The following GRK7 variants were observed in gnomAD, a reference collection of about 807,000 sequenced individuals.
The protein encoded by GRK7 is rhodopsin kinase GRK7.
GRK7 carries 24 observed loss-of-function variants against 34.1 expected under a neutral mutation model. That is an observed-to-expected ratio of 0.70 (90% CI 0.51 to 0.99). The LOEUF is 0.99. Among genes scored for constraint, GRK7 ranks in the 50% least tolerant of loss-of-function variants. GRK7 has a pLI of 0.00. For missense variants in GRK7, 644 were observed against 707.3 expected (o/e 0.91, Z 1.02); for synonymous variants, 256 against 279.4 (o/e 0.92, Z 0.84).
At chr3:141,766,739 GC>G (rs2084583382) in intron 1 of GRK7, among the ~76,000 whole-genome samples, 1 of 151,890 alleles carries the variant, frequency 6.6e-6, no homozygotes, top group Non-Finnish European at 1.5e-5. Context: ...AATTTCTTTT[GC>G]TTTTTGTTTG....
intron 3 of GRK7, among the ~76,000 whole-genome samples, chr3:141,779,989 T>C (rs565680353): frequency 3.3e-5 from 5 of 152,256 alleles, no homozygotes; most frequent in Non-Finnish European, 7.3e-5. Context: ...CACAAGTATT[T>C]GTTTGAATCC....
At chr3:141,801,960 G>C (rs910097208) in intron 4 of GRK7, among the ~76,000 whole-genome samples, 49 of 151,978 alleles carry the variant, frequency 3.2e-4, no homozygotes, top group Non-Finnish European at 1.3e-4. Flanking sequence ...CCCTCAAAAA[G>C]AAATAAGAGA....
At chr3:141,776,700 C>A (rs776268254) in intron 2 of GRK7, among the ~76,000 whole-genome samples, 3 of 152,206 alleles carry the variant, frequency 2.0e-5, no homozygotes, top group Non-Finnish European at 4.4e-5. Flanking sequence ...CAGTCGGAGG[C>A]TCTGACAGGC....
At chr3:141,799,896 T>G (rs1710933433) in intron 4 of GRK7, among the ~76,000 whole-genome samples, 1 of 152,218 alleles carries the variant, frequency 6.6e-6, no homozygotes, top group African/African-American at 2.4e-5. Context: ...ACCCTACACC[T>G]TCTACCGAGC....
chr3:141,762,603 C>T (rs563687090), upstream of GRK7, among the ~76,000 whole-genome samples: 179 of 151,852 alleles, frequency 1.2e-3, 3 homozygotes, highest in South Asian at 0.024. Context: ...CTGGAGCCTA[C>T]GGAGGCAGGC....
At chr3:141,776,624 G>A (rs1021940210) in intron 2 of GRK7, among the ~76,000 whole-genome samples, 2 of 152,172 alleles carry the variant, frequency 1.3e-5, no homozygotes, top group Non-Finnish European at 2.9e-5. Flanking sequence ...AAGCCAAAGG[G>A]CACCCACGAG....
At chr3:141,788,395 C>A (rs908778116) in intron 4 of GRK7, among the ~76,000 whole-genome samples, 5 of 152,102 alleles carry the variant, frequency 3.3e-5, no homozygotes, top group Non-Finnish European at 7.4e-5. Context: ...TGAGGTAATG[C>A]GGGCCTGAGG....
At chr3:141,754,153 A>G in the GRK7 span, among the ~76,000 whole-genome samples, 1 of 152,222 alleles carries the variant, frequency 6.6e-6, no homozygotes, top group East Asian at 1.9e-4. Context: ...CTGCTTAAAC[A>G]GATAAGGGTG....
intron 4 of GRK7, among the ~76,000 whole-genome samples, chr3:141,781,975 A>C (rs980520536): frequency 1.3e-5 from 2 of 152,200 alleles, no homozygotes; most frequent in Non-Finnish European, 2.9e-5. Context: ...CAGGGCCCAA[A>C]GGAAATGAGA....
intron 4 of GRK7, among the ~76,000 whole-genome samples, chr3:141,783,601 G>C (rs1232812587): frequency 1.3e-5 from 2 of 152,188 alleles, no homozygotes; most frequent in Non-Finnish European, 2.9e-5. Context: ...GAATGGTGAG[G>C]TCTCAATTCA....
At chr3:141,752,041 T>C in the GRK7 span, among the ~76,000 whole-genome samples, 1 of 152,214 alleles carries the variant, frequency 6.6e-6, no homozygotes, top group Non-Finnish European at 1.5e-5. Context: ...CTACATCTTA[T>C]CCTTAACAAA....
rs2084576087 is a variant in GRK7 at position 141,765,374 on chromosome 3, C to G, written c.-579C>G. On this transcript the variant is annotated 5_prime_UTR_variant, in exon 1 of 6. Transcript: ENST00000682958. ...ACCCTATTTAAAAGTGAAGCCTTCTCCCTGGTGTATCTCAGCACTTCCCTT... is the reference window on the plus strand; with the variant it reads ...ACCCTATTTAAAAGTGAAGCCTTCTGCCTGGTGTATCTCAGCACTTCCCTT... Among the ~76,000 whole-genome samples the G allele has an allele frequency of 6.6e-6, 1 of 152,126 alleles. No individual in the cohort carries two copies. Among genetic ancestry groups the G allele is most frequent in the African/African-American group, 2.4e-5 (1 of 41,418 alleles).
intron 4 of GRK7, among the ~76,000 whole-genome samples, chr3:141,792,802 G>A (rs2084730972): frequency 6.6e-6 from 1 of 152,244 alleles, no homozygotes; most frequent in Admixed American, 6.5e-5. Context: ...CTAGGAAGCT[G>A]CAGGATGGAG....
At chr3:141,798,626 G>C (rs950817062) in intron 4 of GRK7, among the ~76,000 whole-genome samples, 2 of 152,192 alleles carry the variant, frequency 1.3e-5, no homozygotes, top group Non-Finnish European at 2.9e-5. Flanking sequence ...CCAGCTGTAA[G>C]AGGTCAGCGT....
chr3:141,780,229 C>G lies in GRK7; in HGVS notation c.613-145C>G, dbSNP rs932585354. On this transcript the variant is annotated intron_variant, in intron 3 of 5. Transcript: ENST00000682958. ...AAGGAGTATCGCACTGTAGTCCCCA[C>G]TTTTTCTTGAGAACACTTCTTATTT... is the stretch of plus-strand genomic sequence containing the variant. 9 of 689,512 alleles carry G rather than the reference C, an allele frequency of 1.3e-5. No individual in the cohort carries two copies. In the African/African-American group the frequency reaches 1.6e-4, roughly 12 times the overall value. 42.7% of individuals were successfully genotyped at this position (689,512 alleles called of 1,614,324 possible).
At chr3:141,792,811 A>C (rs2084731052) in intron 4 of GRK7, among the ~76,000 whole-genome samples, 1 of 152,226 alleles carries the variant, frequency 6.6e-6, no homozygotes, top group African/African-American at 2.4e-5. Flanking sequence ...TGCAGGATGG[A>C]GACTGGTCAC....
At chr3:141,813,727 A>G (rs1226850520) in intron 5 of GRK7, among the ~76,000 whole-genome samples, 1 of 152,204 alleles carries the variant, frequency 6.6e-6, no homozygotes, top group Non-Finnish European at 1.5e-5. Context: ...GGATCATCAG[A>G]TGCCTCCAAT....
chr3:141,803,201 T>C (rs577265097), intron 4 of GRK7, among the ~76,000 whole-genome samples: 1 of 146,540 alleles, frequency 6.8e-6, no homozygotes, highest in East Asian at 2.0e-4. Flanking sequence ...CCAAAGAGGA[T>C]GGATCACCTG....
chr3:141,796,658 G>A (rs1352796735), intron 4 of GRK7, among the ~76,000 whole-genome samples: 3 of 152,190 alleles, frequency 2.0e-5, no homozygotes, highest in Non-Finnish European at 2.9e-5. Context: ...GCTGTGTGGG[G>A]TTTCATTTGT....
Sources: allele counts gnomAD v4.1 joint callset (sites outside exome capture counted in the v4.1 genomes callset), GRCh38; gene constraint gnomAD v4.1.1; transcripts MANE v1.5; gene names NCBI Gene and HGNC (gene_info 2026-07-23, HGNC 2026-07-21).